The following RBL2 variants were observed in gnomAD, a reference collection of about 807,000 sequenced individuals.
The protein encoded by RBL2 is RB transcriptional corepressor like 2, also known as retinoblastoma-like protein 2.
A neutral mutation model predicts 126.0 loss-of-function variants in RBL2; 56 were observed. That is an observed-to-expected ratio of 0.44 (90% CI 0.36 to 0.56). The LOEUF is 0.56. RBL2 is among the 20% of genes least tolerant of loss of function. The pLI is 0.00. For synonymous variants in RBL2, 454 were observed against 478.5 expected (o/e 0.95, Z 0.67); for missense variants, 1,229 against 1,398.2 (o/e 0.88, Z 1.93).
Position 53,470,104 on chromosome 16 carries a change from G to C in RBL2, c.2164G>C (p.Val722Leu). Residue 722 changes from valine (V) to leucine (L), a missense_variant, in exon 15 of 22, where the codon GTT (valine) becomes CTT (leucine). By Grantham distance (32) the Val-to-Leu change is conservative. Around this residue, in one of 2 missense-constraint regions of RBL2, gnomAD observed 1,070 missense variants for 1,274.3 expected, o/e 0.84. Coordinates refer to ENST00000262133, the MANE Select transcript of RBL2 (RefSeq NM_005611.4). ...VSGETVSVTP[V>L]PGQTLVTMAT... ...TGGGGAGACTGTTTCTGTCACACCA[G>C]TTCCTGGACAGACTTTGGTCACCAT... is the stretch of plus-strand genomic sequence containing the variant. 6.2e-7 allele frequency: 1 copy of C among 1,614,038 alleles called. No individual in the cohort carries two copies. Among genetic ancestry groups the C allele is most frequent in the Non-Finnish European group, 8.5e-7 (1 of 1,179,898 alleles).
At position 53,481,749 on chromosome 16, in the gene RBL2, C is replaced by T. The variant is rs769193617; in HGVS notation, c.3163C>T (p.Pro1055Ser). 6.3e-7 allele frequency: 1 copy of T among 1,599,752 alleles called. No homozygotes were observed. Among genetic ancestry groups the T allele is most frequent in the Non-Finnish European group, 8.6e-7 (1 of 1,167,138 alleles). Residue 1055 changes from proline to serine, a missense_variant, in exon 21 of 22, where the codon CCT becomes TCT. Physicochemically the swap from Pro to Ser is moderately conservative, Grantham distance 74. Coordinates refer to ENST00000262133, the MANE Select transcript of RBL2 (RefSeq NM_005611.4). Reference protein sequence around the residue: ...PRRIQLSQNHPVYISPHKNET... With the variant: ...PRRIQLSQNHSVYISPHKNET... ...CCGAATACAGTTGTCTCAAAATCAT[C>T]CTGTCTACATTTCCCCACATAAAAA...
At chr16:53,462,698 A>G in intron 11 of RBL2, 43 bp downstream of exon 11, 1 of 1,274,122 alleles carries the variant, frequency 7.8e-7, no homozygotes, top group Non-Finnish European at 1.1e-6. Flanking sequence ...AATGAAACAT[A>G]ATTTCCTTCC....
intron 21 of RBL2, among the ~76,000 whole-genome samples, chr16:53,484,314 G>A (rs1477642582): frequency 6.6e-6 from 1 of 152,150 alleles, no homozygotes; most frequent in Non-Finnish European, 1.5e-5. Flanking sequence ...ATACTCAAAA[G>A]GTGGCTTAAA....
chr16:53,478,898 A>G, intron 17 of RBL2: 1 of 390,554 alleles, frequency 2.6e-6, no homozygotes, highest in Non-Finnish European at 4.6e-6. Flanking sequence ...CTGGGATTAC[A>G]GGTGTGAACC....
At chr16:53,453,922 C>T (rs1018185953) in intron 7 of RBL2, among the ~76,000 whole-genome samples, 153 bp downstream of exon 7, 3 of 152,190 alleles carry the variant, frequency 2.0e-5, no homozygotes, top group Non-Finnish European at 4.4e-5. Flanking sequence ...TAAATATAAG[C>T]ACACTTTTTA....
intron 4 of RBL2, 80 bp from the exon 5 acceptor site, chr16:53,451,623 A>G: frequency 1.3e-6 from 2 of 1,482,170 alleles, no homozygotes; most frequent in Non-Finnish European, 1.8e-6. Flanking sequence ...GTAATGTCAT[A>G]ATAAGTAAAG....
At chr16:53,484,800 A>ACACTT (rs1390942550) in intron 21 of RBL2, among the ~76,000 whole-genome samples, 3 of 152,208 alleles carry the variant, frequency 2.0e-5, no homozygotes, top group African/African-American at 7.2e-5. Context: ...ATGGAGCTGT[A>ACACTT]CACTTCAAAT....
Position 53,484,681 on chromosome 16 carries a change from G to A in RBL2, c.3249+2846G>A, listed in dbSNP as rs1598134687. On this transcript the variant is annotated intron_variant, in intron 21 of 21. Coordinates refer to ENST00000262133, the MANE Select transcript of RBL2 (RefSeq NM_005611.4). ...AGATTCATGGTTGCCAAGGGTTGTG[G>A]GGAATAGAGTTTCTGCTTATGAACA... Among the ~76,000 whole-genome samples the A allele has an allele frequency of 2.6e-5, 4 of 152,264 alleles. No individual in the cohort carries two copies. The South Asian group carries it at 8.3e-4, about 32-fold the overall frequency.
In RBL2 at chr16:53,434,594, C is replaced by T. The variant is rs1406364040; in HGVS notation, c.38C>T (p.Pro13Leu). ...SGGDQSPPPP[P>L]PPPAAAASDE... Reference sequence around the variant, plus strand: ...GGTGACCAGTCGCCACCGCCCCCGCCTCCCCCTCCGGCGGCGGCAGCCTCG... The same window carrying T: ...GGTGACCAGTCGCCACCGCCCCCGCTTCCCCCTCCGGCGGCGGCAGCCTCG... Residue 13 changes from proline to leucine, a missense_variant, in exon 1 of 22, where the codon CCT (proline) becomes CTT (leucine). Transcript: ENST00000262133. 2 of 1,547,972 alleles carry T rather than the reference C, an allele frequency of 1.3e-6. No homozygotes were observed. Among genetic ancestry groups the T allele is most frequent in the Non-Finnish European group, 1.7e-6 (2 of 1,156,180 alleles).
intron 9 of RBL2, among the ~76,000 whole-genome samples, chr16:53,460,624 A>T (rs774281230): frequency 3.9e-5 from 6 of 152,152 alleles, no homozygotes; most frequent in Non-Finnish European, 8.8e-5. Flanking sequence ...AATCTTAGGT[A>T]CCATTAGTGG....
chr16:53,446,648 G>A (rs563689403), intron 3 of RBL2, among the ~76,000 whole-genome samples: 3 of 152,106 alleles, frequency 2.0e-5, no homozygotes, highest in Non-Finnish European at 4.4e-5. Context: ...TAAGGAGGGA[G>A]GGAGGGATAC....
At chr16:53,479,369 T>G (rs1033518144) in intron 18 of RBL2, 144 bp downstream of exon 18, 2 of 641,106 alleles carry the variant, frequency 3.1e-6, no homozygotes, top group African/African-American at 1.8e-5. Context: ...CTTTAATCTT[T>G]ATTCTTGATG....
Position 53,439,017 on chromosome 16 carries a change from G to GA in RBL2, c.245dup (p.Asn82LysfsTer2). 1 of 1,565,484 alleles carries GA rather than the reference G, an allele frequency of 6.4e-7. No individual in the cohort carries two copies. ...AATCAATTTTCTTTTCTTTTACAGGGAAATGATCTTCATTGGTTAGCATGT... is the reference window on the plus strand; with the variant it reads ...AATCAATTTTCTTTTCTTTTACAGGGAAAATGATCTTCATTGGTTAGCATGT... On this transcript the variant is annotated frameshift_variant and splice_region_variant, in exon 2 of 22. Transcript: ENST00000262133. LOFTEE classifies it high-confidence loss of function.
chr16:53,443,842 GA>G (rs1455500974), intron 3 of RBL2, among the ~76,000 whole-genome samples: 6 of 151,844 alleles, frequency 4.0e-5, no homozygotes, highest in African/African-American at 1.5e-4. Flanking sequence ...AAACCAGGAG[GA>G]AAAAAAATTT....
chr16:53,486,125 GA>G (rs59433365), intron 21 of RBL2, among the ~76,000 whole-genome samples: 41,558 of 92,048 alleles, frequency 0.45, 7,927 homozygotes, highest in Middle Eastern at 0.67. Context: ...CCTTGTCTCT[GA>G]AAAAAAAAAA....
intron 21 of RBL2, chr16:53,487,945 T>C (rs557147327): frequency 2.6e-5 from 4 of 152,358 alleles, no homozygotes; most frequent in African/African-American, 9.6e-5. Context: ...CTGACAACAA[T>C]GTGGAACAAT....
chr16:53,484,206 C>G (rs188045165), intron 21 of RBL2, among the ~76,000 whole-genome samples: 1 of 152,216 alleles, frequency 6.6e-6, no homozygotes, highest in Admixed American at 6.5e-5. Context: ...GACTCTCATC[C>G]TGTAACCTAT....
intron 4 of RBL2, chr16:53,449,586 G>GAAAAA (rs777289704): frequency 6.8e-5 from 4 of 58,776 alleles, no homozygotes; most frequent in Non-Finnish European, 1.2e-4. Flanking sequence ...ACCGTGTCTC[G>GAAAAA]AAAAAAAAAA....
intron 17 of RBL2, among the ~76,000 whole-genome samples, chr16:53,475,638 T>G (rs1191982431): frequency 6.6e-6 from 1 of 152,038 alleles, no homozygotes; most frequent in Non-Finnish European, 1.5e-5. Context: ...TTGTGTTCTT[T>G]ATTCATTAGT....
Sources: allele counts gnomAD v4.1 joint callset (sites outside exome capture counted in the v4.1 genomes callset), GRCh38; gene constraint gnomAD v4.1.1; regional missense constraint gnomAD v4.1.1; transcripts MANE v1.5; gene names NCBI Gene and HGNC (gene_info 2026-07-23, HGNC 2026-07-21).